Variants in HMGCLL1 observed in about 807,000 individuals in gnomAD.
The protein encoded by HMGCLL1 is 3-hydroxymethyl-3-methylglutaryl-CoA lyase, cytoplasmic.
In HMGCLL1, 36 loss-of-function variants were observed where a neutral mutation model predicts 39.1. The ratio of observed to expected loss-of-function variants is 0.92; its 90% CI spans 0.71 to 1.22. The LOEUF (loss-of-function observed/expected upper bound fraction) is 1.22. Among genes scored for constraint, HMGCLL1 ranks in the 50% most tolerant of loss-of-function variants. The pLI is 0.00. For synonymous variants in HMGCLL1, 149 were observed against 144.0 expected, an observed-to-expected ratio of 1.03 and a Z score of -0.25; for missense variants, 451 against 416.5, an observed-to-expected ratio of 1.08 and a Z score of -0.72.
chr6:55,513,954 T>C (rs1581881910), intron 5 of HMGCLL1, 94 bp downstream of exon 5: 1 of 1,086,484 alleles, frequency 9.2e-7, no homozygotes, highest in Non-Finnish European at 1.3e-6. Flanking sequence ...TCTATGTATA[T>C]TTTTATAAAT....
intron 7 of HMGCLL1, among the ~76,000 whole-genome samples, chr6:55,480,142 A>T (rs1398297544): frequency 6.6e-6 from 1 of 151,596 alleles, no homozygotes; most frequent in Non-Finnish European, 1.5e-5. Flanking sequence ...ATTTTAAGGG[A>T]TTTCATCTGC....
At chr6:55,458,947 T>C (rs924187150) in intron 7 of HMGCLL1, among the ~76,000 whole-genome samples, 1 of 152,156 alleles carries the variant, frequency 6.6e-6, no homozygotes, top group African/African-American at 2.4e-5. Flanking sequence ...GTATACTTTC[T>C]TGCCCCATAA....
intron 6 of HMGCLL1, among the ~76,000 whole-genome samples, chr6:55,497,858 GA>G (rs1766656456): frequency 6.6e-6 from 1 of 152,148 alleles, no homozygotes; most frequent in Non-Finnish European, 1.5e-5. Flanking sequence ...TCCAGGTAGG[GA>G]AAAAGCTAAA....
At chr6:55,545,250 G>A (rs1273794138) in intron 1 of HMGCLL1, among the ~76,000 whole-genome samples, 1 of 151,292 alleles carries the variant, frequency 6.6e-6, no homozygotes, top group Non-Finnish European at 1.5e-5. Flanking sequence ...AAGGTACGTA[G>A]TGTTTTTTAA....
At chr6:55,436,054 A>G in intron 8 of HMGCLL1, among the ~76,000 whole-genome samples, 1 of 151,970 alleles carries the variant, frequency 6.6e-6, no homozygotes, top group East Asian at 1.9e-4. Context: ...GAGTCTAGGA[A>G]GGACAATAAT....
the HMGCLL1 span, among the ~76,000 whole-genome samples, chr6:55,593,558 C>T: frequency 6.6e-6 from 1 of 151,786 alleles, no homozygotes. Flanking sequence ...TTTGTAAGTA[C>T]TTTGTCTTCA....
At chr6:55,639,942 G>T in the HMGCLL1 span, among the ~76,000 whole-genome samples, 34 of 152,196 alleles carry the variant, frequency 2.2e-4, no homozygotes, top group Admixed American at 4.6e-4. Flanking sequence ...GCCAGGCGTG[G>T]TGGCATGTGC....
intron 3 of HMGCLL1, among the ~76,000 whole-genome samples, chr6:55,531,129 T>C (rs749719043): frequency 9.2e-5 from 14 of 152,210 alleles, no homozygotes; most frequent in Admixed American, 6.5e-5. Flanking sequence ...AAGTCGTAAC[T>C]ATGGCACACT....
chr6:55,527,995 GACTTAA>G (rs952201884), intron 3 of HMGCLL1, among the ~76,000 whole-genome samples: 1 of 151,946 alleles, frequency 6.6e-6, no homozygotes, highest in African/African-American at 2.4e-5. Context: ...GCTAGGAAAA[GACTTAA>G]ACTCATGGAC....
chr6:55,553,519 T>C (rs961716384), intron 1 of HMGCLL1, among the ~76,000 whole-genome samples: 2 of 152,100 alleles, frequency 1.3e-5, no homozygotes, highest in Admixed American at 6.6e-5. Context: ...AGCTCTATCA[T>C]GTACTGATGA....
At chr6:55,668,503 G>A in the HMGCLL1 span, among the ~76,000 whole-genome samples, 4 of 151,912 alleles carry the variant, frequency 2.6e-5, no homozygotes, top group South Asian at 2.1e-4. Context: ...CTCACTTTAC[G>A]TAACTATAAA....
the HMGCLL1 span, among the ~76,000 whole-genome samples, chr6:55,590,428 G>A: frequency 2.0e-5 from 3 of 152,020 alleles, no homozygotes; most frequent in Admixed American, 1.3e-4. Context: ...TTAAATGTTA[G>A]ACCTAAAACC....
chr6:55,513,303 T>C (rs1358222667), intron 5 of HMGCLL1: 1 of 152,144 alleles, frequency 6.6e-6, no homozygotes, highest in Non-Finnish European at 1.5e-5. Flanking sequence ...ATTTTCCATG[T>C]CCTGTAATCA....
chr6:55,541,919 T>C, intron 2 of HMGCLL1, 83 bp from the exon 3 acceptor site: 1 of 944,456 alleles, frequency 1.1e-6, no homozygotes, highest in Non-Finnish European at 1.6e-6. Flanking sequence ...TAAGTCAAAG[T>C]GAGTATTATT....
At chr6:55,646,439 T>G in the HMGCLL1 span, among the ~76,000 whole-genome samples, 26,030 of 151,730 alleles carry the variant, frequency 0.17, 2,453 homozygotes, top group African/African-American at 0.24. Context: ...AATTTTGGGT[T>G]TCGTTTGCTC....
chr6:55,615,810 C>T, the HMGCLL1 span, among the ~76,000 whole-genome samples: 2 of 152,066 alleles, frequency 1.3e-5, no homozygotes, highest in Admixed American at 6.6e-5. Flanking sequence ...AGACTGAAAG[C>T]TTATTCTTTG....
chr6:55,499,401 T>G, intron 5 of HMGCLL1, 102 bp from the exon 6 acceptor site: 1 of 821,362 alleles, frequency 1.2e-6, no homozygotes, highest in South Asian at 2.2e-5. Flanking sequence ...GAAAATTTAT[T>G]TTGCACTATT....
chr6:55,589,238 G>T, the HMGCLL1 span, among the ~76,000 whole-genome samples: 63,608 of 151,988 alleles, frequency 0.42, 14,050 homozygotes, highest in East Asian at 0.6. Context: ...TGGGATGCAA[G>T]GCTGGTTCAA....
At chr6:55,620,097 C>T in the HMGCLL1 span, among the ~76,000 whole-genome samples, 22 of 152,204 alleles carry the variant, frequency 1.4e-4, no homozygotes, top group Non-Finnish European at 1.3e-4. Context: ...TTGATGGACA[C>T]TTAGGTTGCT....
Sources: gnomAD v4.1 joint callset for allele counts (sites outside exome capture counted in the v4.1 genomes callset) on GRCh38, gnomAD v4.1.1 for gene constraint, MANE v1.5 for transcripts, NCBI Gene and HGNC (gene_info 2026-07-23, HGNC 2026-07-21) for gene names.